The following NBPF15 variants were observed in gnomAD, a reference collection of about 807,000 sequenced individuals.
NBPF15 encodes NBPF member 15.
Under a neutral mutation model 62.2 loss-of-function variants are expected in NBPF15, and 74 were observed. The observed-to-expected ratio is 1.19, with a 90% CI of 0.99 to 1.44. The LOEUF is 1.44. Ranked by LOEUF, NBPF15 falls within the 40% of genes most tolerant of loss-of-function variation. NBPF15 has a pLI of 0.00. For synonymous variants in NBPF15, 244 were observed against 209.7 expected (o/e 1.16, Z -1.41); for missense variants, 790 against 550.0 (o/e 1.44, Z -4.36).
chr1:144,446,077 T>A (rs1420709851), intron 6 of NBPF15, among the ~76,000 whole-genome samples: 1 of 150,962 alleles, frequency 6.6e-6, no homozygotes, highest in Non-Finnish European at 1.5e-5. Context: ...ATGGTCTCCA[T>A]CTCCTGACCT....
Position 144,427,315 on chromosome 1 carries a change from C to T in NBPF15, c.1214-217G>A, listed in dbSNP as rs1328045229. 1.8e-4 allele frequency among the ~76,000 whole-genome samples: 23 copies of T among 126,972 alleles called. No homozygotes were observed. In the East Asian group the frequency reaches 4.2e-3, roughly 23 times the overall value. 83.3% of individuals were successfully genotyped at this position (126,972 alleles called of 152,430 possible). A position where few individuals can be genotyped will look rare whatever the true frequency, so the allele number is the denominator to read the frequency against. On this transcript the variant is annotated intron_variant, in intron 16 of 21. Transcript: ENST00000581897. ...GGTAAAATTCCCTATTCTGGTAGAT[C>T]GTTATCCCAATATCATTTGTCCCAA... is the stretch of plus-strand genomic sequence containing the variant.
At chr1:144,455,917 G>A (rs1647265679) in intron 4 of NBPF15, among the ~76,000 whole-genome samples, 1 of 152,028 alleles carries the variant, frequency 6.6e-6, no homozygotes, top group South Asian at 2.1e-4. Context: ...AAGGTCCTGG[G>A]GAACCAAGAA....
intron 15 of NBPF15, 119 bp downstream of exon 15, chr1:144,428,487 C>T: frequency 1.1e-6 from 1 of 870,060 alleles, no homozygotes. Flanking sequence ...ATGTAGTAGG[C>T]ATAATTCAGA....
chr1:144,451,691 C>A (rs1445841710), intron 4 of NBPF15, among the ~76,000 whole-genome samples: 1 of 151,448 alleles, frequency 6.6e-6, no homozygotes, highest in Non-Finnish European at 1.5e-5. Context: ...ATCCATTTAA[C>A]CCTGAGTTGA....
chr1:144,422,807 G>C lies in NBPF15; in HGVS notation c.*206C>G. On this transcript the variant is annotated 3_prime_UTR_variant, in exon 22 of 22. Transcript: ENST00000581897. Reference sequence around the variant, plus strand: ...CTCCCGGCATGTTCTGCACAGTTATGTGAACGTGTCACACCTAACATGGGT... The same window carrying C: ...CTCCCGGCATGTTCTGCACAGTTATCTGAACGTGTCACACCTAACATGGGT... 7.8e-7 allele frequency: 1 copy of C among 1,283,150 alleles called. No individual in the cohort carries two copies. The highest frequency in any genetic ancestry group is 1.5e-5 in the African/African-American group (1 of 65,846). The allele number at this position is 1,283,150 out of a possible 1,614,324, so 79.5% of individuals were successfully genotyped here.
At chr1:144,431,739 G>A (rs1156357763) in intron 13 of NBPF15, among the ~76,000 whole-genome samples, 2 of 128,542 alleles carry the variant, frequency 1.6e-5, no homozygotes, top group African/African-American at 3.0e-5. Flanking sequence ...AAGAACATGC[G>A]GTATTTGGTT....
intron 4 of NBPF15, among the ~76,000 whole-genome samples, chr1:144,455,700 C>T (rs1694050730): frequency 6.6e-6 from 1 of 151,920 alleles, no homozygotes. Context: ...GCACTGGCTC[C>T]CACTCCCCCA....
Position 144,439,815 on chromosome 1 carries a change from C to A in NBPF15, c.175+14G>T, listed in dbSNP as rs1199712112. 365 of 1,579,192 alleles carry A rather than the reference C, an allele frequency of 2.3e-4. No individual in the cohort carries two copies. The highest frequency in any genetic ancestry group is 2.9e-4 in the Non-Finnish European group (331 of 1,154,462). On this transcript the variant is annotated intron_variant, in intron 8 of 21. Coordinates refer to ENST00000581897, the MANE Select transcript of NBPF15 (RefSeq NM_001385408.1). ...CATTCATCACTTTCATGACGGTGAG[C>A]CTATAGATCTTACTGTATTTCTTCT...
chr1:144,430,888 G>A (rs1328489136), intron 13 of NBPF15, among the ~76,000 whole-genome samples: 2 of 152,036 alleles, frequency 1.3e-5, no homozygotes, highest in African/African-American at 2.4e-5. Context: ...TAAATGACCT[G>A]ATGGAGCTGA....
At chr1:144,445,580 T>A (rs1686922789) in intron 6 of NBPF15, among the ~76,000 whole-genome samples, 1 of 150,236 alleles carries the variant, frequency 6.7e-6, no homozygotes, top group Non-Finnish European at 1.5e-5. Flanking sequence ...TATTCTTTTA[T>A]AATATTGCTA....
At chr1:144,453,959 CA>C (rs1473521835) in intron 4 of NBPF15, among the ~76,000 whole-genome samples, 3 of 125,340 alleles carry the variant, frequency 2.4e-5, no homozygotes, top group African/African-American at 7.1e-5. Flanking sequence ...TCATAATTGT[CA>C]AAACTTGGAA....
At chr1:144,429,062 C>T (rs1254177889) in intron 14 of NBPF15, among the ~76,000 whole-genome samples, 27 of 152,034 alleles carry the variant, frequency 1.8e-4, no homozygotes, top group African/African-American at 4.1e-4. Context: ...TGAAGGGGTG[C>T]AATGTACCAG....
chr1:144,461,565 C>A lies in NBPF15; in HGVS notation c.-1122G>T, dbSNP rs1653124413. Reference sequence around the variant, plus strand: ...CTCAGATGCTCACGCAGCCTCGCGACCCTCACCTACCCCTCCCGATACCGC... The same window carrying A: ...CTCAGATGCTCACGCAGCCTCGCGAACCTCACCTACCCCTCCCGATACCGC... On this transcript the variant is annotated 5_prime_UTR_variant, in exon 1 of 22. Transcript: ENST00000581897. 1 of 152,878 alleles carries A rather than the reference C, an allele frequency of 6.5e-6. No homozygotes were observed. The highest frequency in any genetic ancestry group is 1.5e-5 in the Non-Finnish European group (1 of 68,700). The allele number at this position is 152,878 out of a possible 1,614,324, so 9.5% of individuals were successfully genotyped here. A position where few individuals can be genotyped will look rare whatever the true frequency, so the allele number is the denominator to read the frequency against.
In NBPF15 at chr1:144,440,190, A is replaced by G; in HGVS notation, c.-85T>C. The G allele has an allele frequency of 6.5e-7, 1 of 1,544,020 alleles. No homozygotes were observed. The highest frequency in any genetic ancestry group is 8.8e-7 in the Non-Finnish European group (1 of 1,141,914). ...CCACAGCACTTTAGGATCCTTCACC[A>G]CAAAAACAAGGTTCGAGGTGCCTCA... On this transcript the variant is annotated 5_prime_UTR_variant, in exon 7 of 22. Coordinates refer to ENST00000581897, the MANE Select transcript of NBPF15 (RefSeq NM_001385408.1).
chr1:144,455,272 G>A (rs1317923211), intron 4 of NBPF15, among the ~76,000 whole-genome samples: 9 of 150,504 alleles, frequency 6.0e-5, no homozygotes, highest in African/African-American at 1.7e-4. Context: ...AGTAGGGAAG[G>A]GAGAGAAGTA....
intron 13 of NBPF15, among the ~76,000 whole-genome samples, chr1:144,430,970 G>T (rs375862918): frequency 0.021 from 3,194 of 151,992 alleles, 88 homozygotes; most frequent in South Asian, 0.051. Context: ...GCAAGAAATG[G>T]TATCAGTGAT....
rs1374694958 is a variant in NBPF15 at position 144,423,033 on chromosome 1, C to T, written c.1993G>A (p.Gly665Arg). The T allele has an allele frequency of 2.5e-6, 4 of 1,611,466 alleles. No individual in the cohort carries two copies. Among genetic ancestry groups the T allele is most frequent in the Admixed American group, 1.7e-5 (1 of 59,944 alleles). The change falls in exon 22 of 22, where the codon GGA (glycine) becomes AGA (arginine). Residue 665 changes from glycine (G) to arginine (R), a missense_variant. Gly to Arg is a moderately radical substitution (Grantham distance 125). Transcript: ENST00000581897. ...GCTGCTTATTGTGGGAATATGACTC[C>T]CATCTGGAACACCAGGTGGAGACTT... The part of the protein sequence containing the change: ...VTSLHLVFQM[G>R]VIFPQ
At chr1:144,456,290 C>T (rs1453643205) in intron 4 of NBPF15, among the ~76,000 whole-genome samples, 2 of 151,858 alleles carry the variant, frequency 1.3e-5, no homozygotes, top group Non-Finnish European at 2.9e-5. Flanking sequence ...AAGGAAAAGT[C>T]CTGGAGAGAA....
At chr1:144,428,413 G>A (rs1371227709) in intron 15 of NBPF15, among the ~76,000 whole-genome samples, 193 bp downstream of exon 15, 1 of 152,066 alleles carries the variant, frequency 6.6e-6, no homozygotes, top group Non-Finnish European at 1.5e-5. Context: ...CACTAGGTTA[G>A]TAAATGATAA....
Sources: allele counts gnomAD v4.1 joint callset (sites outside exome capture counted in the v4.1 genomes callset), GRCh38; gene constraint gnomAD v4.1.1; transcripts MANE v1.5; gene names NCBI Gene and HGNC (gene_info 2026-07-23, HGNC 2026-07-21).